The following NPAS3 variants were observed in gnomAD, a reference collection of about 807,000 sequenced individuals.
NPAS3 encodes neuronal PAS domain-containing protein 3.
NPAS3 carries 14 observed loss-of-function variants against 73.1 expected under a neutral mutation model. That is an observed-to-expected ratio of 0.19 (90% CI 0.13 to 0.30). NPAS3 has a LOEUF of 0.30. Ranked by LOEUF, NPAS3 falls within the 10% of genes least tolerant of loss-of-function variation. The probability of loss-of-function intolerance (pLI) is 1.00; values close to 1 mark genes in which losing one functional copy is unlikely to be tolerated. For synonymous variants in NPAS3, 620 were observed against 541.5 expected (o/e 1.14, Z -2.01); for missense variants, 1,096 against 1,250.0 (o/e 0.88, Z 1.86).
chr14:33,138,012 A>G (rs1179569445), intron 2 of NPAS3, among the ~76,000 whole-genome samples: 1 of 151,350 alleles, frequency 6.6e-6, no homozygotes, highest in Non-Finnish European at 1.5e-5. Context: ...ATGGTGTAAC[A>G]TCTTTCTCAT....
At chr14:33,032,572 A>G (rs17099947) in intron 1 of NPAS3, among the ~76,000 whole-genome samples, 3,972 of 152,266 alleles carry the variant, frequency 0.026, 51 homozygotes, top group Non-Finnish European at 0.031. Flanking sequence ...GGGAATTAAC[A>G]CAGTCTGCAT....
intron 3 of NPAS3, among the ~76,000 whole-genome samples, chr14:33,306,212 CTCTT>C (rs937250857): frequency 4.8e-5 from 7 of 147,124 alleles, no homozygotes; most frequent in Non-Finnish European, 1.1e-4. Context: ...TTATTTTTAT[CTCTT>C]TCTAAGAATG....
chr14:33,430,026 GTGT>G (rs2048717344), intron 4 of NPAS3, among the ~76,000 whole-genome samples: 1 of 152,134 alleles, frequency 6.6e-6, no homozygotes, highest in African/African-American at 2.4e-5. Context: ...ATACAAGGGG[GTGT>G]TGTTAGTGTC....
intron 2 of NPAS3, among the ~76,000 whole-genome samples, chr14:33,212,249 C>T (rs2047066691): frequency 6.6e-6 from 1 of 152,092 alleles, no homozygotes; most frequent in African/African-American, 2.4e-5. Flanking sequence ...ATTGCAGTTG[C>T]CCACAAAACC....
chr14:33,355,182 T>C (rs750351320), intron 3 of NPAS3, among the ~76,000 whole-genome samples: 9 of 152,152 alleles, frequency 5.9e-5, no homozygotes, highest in Non-Finnish European at 1.0e-4. Context: ...TCCCCACCAA[T>C]CCGTAGCTTG....
intron 5 of NPAS3, among the ~76,000 whole-genome samples, chr14:33,660,677 G>A (rs1381002319): frequency 2.0e-5 from 3 of 152,194 alleles, no homozygotes; most frequent in African/African-American, 7.2e-5. Flanking sequence ...CTTGCAACAG[G>A]CAGGTACACT....
intron 3 of NPAS3, among the ~76,000 whole-genome samples, chr14:33,277,558 G>A (rs1222022000): frequency 6.6e-6 from 1 of 152,092 alleles, no homozygotes; most frequent in Admixed American, 6.6e-5. Context: ...AGTACAATAG[G>A]GGATGACATT....
intron 11 of NPAS3, 76 bp downstream of exon 11, chr14:33,797,657 C>T (rs2063552237): frequency 1.4e-6 from 2 of 1,477,788 alleles, no homozygotes; most frequent in East Asian, 4.5e-5. Context: ...AGCCAGAGGG[C>T]CATCATCAGA....
intron 6 of NPAS3, among the ~76,000 whole-genome samples, chr14:33,692,975 T>A (rs954498057): frequency 1.3e-5 from 2 of 152,056 alleles, no homozygotes; most frequent in African/African-American, 4.8e-5. Context: ...CTTGGATGAT[T>A]CATTGTGTGG....
At chr14:33,287,891 A>G (rs1257211812) in intron 3 of NPAS3, among the ~76,000 whole-genome samples, 1 of 152,112 alleles carries the variant, frequency 6.6e-6, no homozygotes, top group South Asian at 2.1e-4. Flanking sequence ...ATTATGTTCT[A>G]TTATTTTGTA....
chr14:32,991,723 G>A (rs1467950717), intron 1 of NPAS3, among the ~76,000 whole-genome samples: 1 of 152,132 alleles, frequency 6.6e-6, no homozygotes, highest in East Asian at 1.9e-4. Context: ...TTCAACATTT[G>A]AAAATATCAT....
intron 6 of NPAS3, among the ~76,000 whole-genome samples, chr14:33,734,577 G>A (rs755853817): frequency 8.5e-5 from 13 of 152,182 alleles, no homozygotes; most frequent in Non-Finnish European, 1.8e-4. Context: ...GAAAGCTGCT[G>A]TAAAGTGACA....
chr14:33,615,875 T>A (rs772085677), intron 5 of NPAS3, among the ~76,000 whole-genome samples: 1 of 152,116 alleles, frequency 6.6e-6, no homozygotes, highest in Non-Finnish European at 1.5e-5. Context: ...AAAAGAAAAA[T>A]ACCCGAGGCA....
chr14:33,367,516 T>A (rs2045897421), intron 4 of NPAS3, among the ~76,000 whole-genome samples: 1 of 152,158 alleles, frequency 6.6e-6, no homozygotes, highest in African/African-American at 2.4e-5. Flanking sequence ...ATTGCACTAT[T>A]TAGTTCATGC....
At chr14:33,068,882 G>A (rs1375393719) in intron 2 of NPAS3, among the ~76,000 whole-genome samples, 1 of 152,058 alleles carries the variant, frequency 6.6e-6, no homozygotes, top group East Asian at 1.9e-4. Flanking sequence ...TGTGGTGGGG[G>A]CTGAATGAGC....
Position 33,518,718 on chromosome 14 carries a change from C to A in NPAS3, c.469-41403C>A, listed in dbSNP as rs144549850. Among the ~76,000 whole-genome samples, 35 of 151,086 alleles carry A rather than the reference C, an allele frequency of 2.3e-4. No individual in the cohort carries two copies. In the East Asian group the frequency reaches 6.5e-3, roughly 28 times the overall value. Reference sequence around the variant, plus strand: ...GTTAACTCCTACATATTAGTCAGGGCTCAAGTCAAGTCTCTGACCAGCCTC... The same window carrying A: ...GTTAACTCCTACATATTAGTCAGGGATCAAGTCAAGTCTCTGACCAGCCTC... On this transcript the variant is annotated intron_variant, in intron 4 of 11. Coordinates refer to ENST00000356141, the Ensembl canonical transcript of NPAS3.
At chr14:33,208,249 C>T (rs1192160329) in intron 2 of NPAS3, among the ~76,000 whole-genome samples, 2 of 152,058 alleles carry the variant, frequency 1.3e-5, no homozygotes, top group African/African-American at 2.4e-5. Flanking sequence ...GTGGTTTATT[C>T]AAGGGTTATT....
At chr14:33,801,157 C>T (rs1338917728), downstream of NPAS3, 5 of 1,535,878 alleles carry the variant, frequency 3.3e-6, no homozygotes, top group Non-Finnish European at 4.4e-6. Context: ...GAGGAGGCAT[C>T]GTCGGCATTT....
intron 4 of NPAS3, among the ~76,000 whole-genome samples, chr14:33,377,229 T>A (rs1370557937): frequency 6.6e-6 from 1 of 152,202 alleles, no homozygotes; most frequent in Non-Finnish European, 1.5e-5. Context: ...AATACTCTCA[T>A]TGGCAACTTA....
Sources: allele counts gnomAD v4.1 joint callset (sites outside exome capture counted in the v4.1 genomes callset), GRCh38; gene constraint gnomAD v4.1.1; transcripts MANE v1.5; gene names NCBI Gene and HGNC (gene_info 2026-07-23, HGNC 2026-07-21).